The following PCDH15 variants were observed in gnomAD, a reference collection of about 807,000 sequenced individuals.
The protein encoded by PCDH15 is protocadherin related 15, also known as protocadherin-15.
Under a neutral mutation model 178.5 loss-of-function variants are expected in PCDH15, and 129 were observed. That is an observed-to-expected ratio of 0.72 (90% CI 0.63 to 0.84). The LOEUF (loss-of-function observed/expected upper bound fraction) is 0.84, where lower values mean the gene tolerates loss of function less well. PCDH15 is among the 40% of genes least tolerant of loss of function. The pLI, the probability that PCDH15 is intolerant of heterozygous loss-of-function variation, is 0.00. For synonymous variants in PCDH15, 800 were observed against 732.0 expected, an observed-to-expected ratio of 1.09 and a Z score of -1.50; for missense variants, 2,230 against 2,099.9, an observed-to-expected ratio of 1.06 and a Z score of -1.21.
chr10:54,511,733 T>C (rs2081688756), intron 3 of PCDH15, among the ~76,000 whole-genome samples: 1 of 152,162 alleles, frequency 6.6e-6, no homozygotes, highest in African/African-American at 2.4e-5. Context: ...CTGAAATAGA[T>C]TTATATAGCT....
intron 18 of PCDH15, among the ~76,000 whole-genome samples, chr10:54,041,948 G>A (rs1398043736): frequency 6.6e-6 from 1 of 152,010 alleles, no homozygotes; most frequent in Non-Finnish European, 1.5e-5. Flanking sequence ...CTTGATGTTA[G>A]TAACATTCTT....
Position 54,872,655 on chromosome 10 carries a change from G to T in PCDH15, c.-29+24795C>A, listed in dbSNP as rs566397845. Among the ~76,000 whole-genome samples the T allele has an allele frequency of 3.3e-5, 5 of 151,942 alleles. No homozygotes were observed. In the East Asian group the frequency reaches 9.7e-4, roughly 30 times the overall value. ...TCATTTTTGGCTTTATGGTAAAGAGGGTACAAACCATGATTTCCTCATCAA... is the reference window on the plus strand; with the variant it reads ...TCATTTTTGGCTTTATGGTAAAGAGTGTACAAACCATGATTTCCTCATCAA... On this transcript the variant is annotated intron_variant, in intron 3 of 5. Transcript: ENST00000458638.
intron 2 of PCDH15, among the ~76,000 whole-genome samples, chr10:54,969,794 C>T (rs1838885979): frequency 6.6e-6 from 1 of 152,164 alleles, no homozygotes; most frequent in African/African-American, 2.4e-5. Flanking sequence ...GAACACTGTT[C>T]TGATAACCAA....
At chr10:54,198,815 T>C (rs1379281781) in intron 10 of PCDH15, among the ~76,000 whole-genome samples, 1 of 152,132 alleles carries the variant, frequency 6.6e-6, no homozygotes, top group African/African-American at 2.4e-5. Flanking sequence ...ATCCAGGACA[T>C]AAAAATGCTA....
rs1346178119 is a variant in PCDH15 at position 54,174,684 on chromosome 10, CTTTTTTCTTTTTCTTTTCT to C, written c.1590+8741_1590+8759del. Among the ~76,000 whole-genome samples, 283 of 113,374 alleles carry C rather than the reference CTTTTTTCTTTTTCTTTTCT, an allele frequency of 2.5e-3. 1 individual carries two copies. Among genetic ancestry groups the C allele is most frequent in the African/African-American group, 0.01 (272 of 27,000 alleles). The allele number at this position is 113,374 out of a possible 152,430, so 74.4% of individuals were successfully genotyped here. On this transcript the variant is annotated intron_variant, in intron 13 of 37. Coordinates refer to ENST00000644397, the MANE Select transcript of PCDH15 (RefSeq NM_001384140.1). ...TGTTGCTATTTTCTTTTCCTTCTTT[CTTTTTTCTTTTTCTTTTCT>C]TTTTTTTTTTTTTTTTTTTTGAGAC...
chr10:54,106,901 ATTTT>A (rs1185761754), intron 15 of PCDH15, among the ~76,000 whole-genome samples: 1 of 152,186 alleles, frequency 6.6e-6, no homozygotes, highest in Non-Finnish European at 1.5e-5. Context: ...TTGGAAGATT[ATTTT>A]GTCAAATACA....
intron 2 of PCDH15, among the ~76,000 whole-genome samples, chr10:54,616,001 G>T (rs901024636): frequency 6.6e-6 from 1 of 151,992 alleles, no homozygotes; most frequent in African/African-American, 2.4e-5. Flanking sequence ...CTTGGAAATT[G>T]TTGCTGTAGA....
chr10:55,281,420 A>T (rs1842729711), intron 1 of PCDH15, among the ~76,000 whole-genome samples: 2 of 147,202 alleles, frequency 1.4e-5, no homozygotes, highest in Non-Finnish European at 3.0e-5. Context: ...ATAAAAACAC[A>T]TTTTTTTTTT....
chr10:55,104,194 G>A (rs963333980), intron 2 of PCDH15, among the ~76,000 whole-genome samples: 7 of 147,440 alleles, frequency 4.7e-5, no homozygotes, highest in East Asian at 3.9e-4. Flanking sequence ...ATCCTTTGTA[G>A]CATTTTTTTT....
intron 5 of PCDH15, among the ~76,000 whole-genome samples, chr10:54,353,199 T>C (rs1324506300): frequency 6.6e-6 from 1 of 152,164 alleles, no homozygotes; most frequent in Non-Finnish European, 1.5e-5. Flanking sequence ...ATTTGTTTTA[T>C]TCAACCATTT....
chr10:54,099,513 A>AAAAATATAT lies in PCDH15; in HGVS notation c.1918-9451_1918-9450insATATATTTT, dbSNP rs1347306483. Among the ~76,000 whole-genome samples the AAAAATATAT allele has an allele frequency of 1.1e-3, 127 of 117,826 alleles. 4 individuals carry two copies. Among genetic ancestry groups the AAAAATATAT allele is most frequent in the African/African-American group, 3.9e-3 (103 of 26,078 alleles). 77.3% of individuals were successfully genotyped at this position (117,826 alleles called of 152,430 possible). A position where few individuals can be genotyped will look rare whatever the true frequency, so the allele number is the denominator to read the frequency against. ...GACTCCATCTCAAAAAAAAAAAAAA[A>AAAAATATAT]ATATATATATATATATATAAAACAA... On this transcript the variant is annotated intron_variant, in intron 15 of 37. Coordinates refer to ENST00000644397, the MANE Select transcript of PCDH15 (RefSeq NM_001384140.1).
chr10:55,204,437 T>C (rs2589446), intron 1 of PCDH15, among the ~76,000 whole-genome samples: 36,620 of 151,744 alleles, frequency 0.24, 4,825 homozygotes, highest in South Asian at 0.35. Context: ...AGCATAGTTA[T>C]TGGTAGTTTG....
At chr10:55,049,171 C>A (rs1230729142) in intron 2 of PCDH15, among the ~76,000 whole-genome samples, 2 of 151,932 alleles carry the variant, frequency 1.3e-5, no homozygotes, top group African/African-American at 4.8e-5. Context: ...TTGTTTATAT[C>A]TTCAAAGGAC....
intron 15 of PCDH15, among the ~76,000 whole-genome samples, chr10:54,106,085 T>C (rs897825739): frequency 6.6e-6 from 1 of 152,176 alleles, no homozygotes; most frequent in East Asian, 1.9e-4. Flanking sequence ...TAGACAAATT[T>C]AAAGACACAG....
At chr10:55,547,108 A>G (rs1053259720) in intron 2 of PCDH15, among the ~76,000 whole-genome samples, 6 of 152,194 alleles carry the variant, frequency 3.9e-5, no homozygotes, top group African/African-American at 1.4e-4. Flanking sequence ...TCTAGTACCC[A>G]CTGGGATCAG....
At chr10:54,330,450 TACA>T in intron 6 of PCDH15, among the ~76,000 whole-genome samples, 1 of 151,916 alleles carries the variant, frequency 6.6e-6, no homozygotes. Flanking sequence ...ATAGTAGAAA[TACA>T]ACATTATAAT....
At chr10:55,445,237 T>C (rs1443507988) in intron 2 of PCDH15, among the ~76,000 whole-genome samples, 1 of 152,142 alleles carries the variant, frequency 6.6e-6, no homozygotes, top group Non-Finnish European at 1.5e-5. Flanking sequence ...CTGTTTAAGT[T>C]CCTAGACTGG....
At chr10:55,235,635 G>A (rs918323609) in intron 1 of PCDH15, among the ~76,000 whole-genome samples, 8 of 152,002 alleles carry the variant, frequency 5.3e-5, no homozygotes, top group Non-Finnish European at 1.0e-4. Context: ...GGCCAGGAGC[G>A]GTGGCTCAGG....
At chr10:54,028,344 T>C (rs1387640445) in intron 18 of PCDH15, among the ~76,000 whole-genome samples, 3 of 148,652 alleles carry the variant, frequency 2.0e-5, no homozygotes, top group African/African-American at 7.4e-5. Context: ...TTGGTGGGAC[T>C]GTAAACTAGT....
Sources: allele counts gnomAD v4.1 joint callset (sites outside exome capture counted in the v4.1 genomes callset), GRCh38; gene constraint gnomAD v4.1.1; transcripts MANE v1.5; gene names NCBI Gene and HGNC (gene_info 2026-07-23, HGNC 2026-07-21).